Variants in KHDRBS2 observed in about 807,000 individuals in gnomAD.
KHDRBS2 encodes KH RNA binding domain containing, signal transduction associated 2.
Under a neutral mutation model 44.3 loss-of-function variants are expected in KHDRBS2, and 26 were observed. The observed-to-expected ratio is 0.59, with a 90% CI of 0.43 to 0.81. KHDRBS2 has a LOEUF of 0.81. KHDRBS2 is among the 40% of genes least tolerant of loss of function. The pLI, the probability that KHDRBS2 is intolerant of heterozygous loss-of-function variation, is 0.00. For missense variants in KHDRBS2, 476 were observed against 433.1 expected (o/e 1.10, Z -0.88); for synonymous variants, 194 against 151.1 (o/e 1.28, Z -2.08).
chr6:61,595,371 C>T, the KHDRBS2 span, among the ~76,000 whole-genome samples: 5 of 152,088 alleles, frequency 3.3e-5, no homozygotes, highest in African/African-American at 9.7e-5. Flanking sequence ...TATTTAGTCA[C>T]ACAAAATTTA....
chr6:62,156,399 C>A (rs1397083508), intron 2 of KHDRBS2, among the ~76,000 whole-genome samples: 1 of 151,898 alleles, frequency 6.6e-6, no homozygotes, highest in Non-Finnish European at 1.5e-5. Flanking sequence ...TTGGCCAGTT[C>A]GGTAGACTTA....
intron 2 of KHDRBS2, among the ~76,000 whole-genome samples, chr6:62,107,997 G>A (rs1399431476): frequency 3.9e-5 from 6 of 152,114 alleles, no homozygotes; most frequent in African/African-American, 1.2e-4. Context: ...AACCCTAGAA[G>A]AAAACGTAGG....
At chr6:62,148,021 A>C (rs760279629) in intron 2 of KHDRBS2, among the ~76,000 whole-genome samples, 7 of 152,068 alleles carry the variant, frequency 4.6e-5, no homozygotes, top group Non-Finnish European at 8.8e-5. Context: ...TGAAAAAATA[A>C]ATATTATTCA....
Position 62,133,933 on chromosome 6 carries a change from C to T in KHDRBS2, c.219+43252G>A, listed in dbSNP as rs185676757. On this transcript the variant is annotated intron_variant, in intron 2 of 8. Coordinates refer to ENST00000281156, the MANE Select transcript of KHDRBS2 (RefSeq NM_152688.4). ...CAAAGCATTCAAGAGGTGACTTGGG[C>T]GCTGTAAAAAGCATTCAGTTTTAAA... Among the ~76,000 whole-genome samples, 177 of 152,118 alleles carry T rather than the reference C, an allele frequency of 1.2e-3. 1 individual carries two copies. Among genetic ancestry groups the T allele is most frequent in the African/African-American group, 3.9e-3 (162 of 41,496 alleles).
chr6:61,677,211 C>T (rs188730038), downstream of KHDRBS2, among the ~76,000 whole-genome samples: 148 of 151,922 alleles, frequency 9.7e-4, no homozygotes, highest in Non-Finnish European at 1.6e-3. Context: ...TATTGATTAA[C>T]ACATCAAAAG....
At chr6:61,875,643 T>C (rs1191929708) in intron 6 of KHDRBS2, among the ~76,000 whole-genome samples, 2 of 152,146 alleles carry the variant, frequency 1.3e-5, no homozygotes, top group African/African-American at 4.8e-5. Flanking sequence ...ATATCTATCC[T>C]TCTATTGAAT....
At chr6:61,630,422 T>A in the KHDRBS2 span, 1 of 152,178 alleles carries the variant, frequency 6.6e-6, no homozygotes, top group Non-Finnish European at 1.5e-5. Context: ...TGGCTGCATT[T>A]TGGTGAAGGC....
intron 3 of KHDRBS2, among the ~76,000 whole-genome samples, chr6:62,029,484 A>T (rs1477181404): frequency 6.6e-6 from 1 of 151,990 alleles, no homozygotes; most frequent in African/African-American, 2.4e-5. Context: ...AATGTGCAAG[A>T]TATTTATGAA....
chr6:61,587,361 T>TTCTCTC, the KHDRBS2 span, among the ~76,000 whole-genome samples: 4 of 96,024 alleles, frequency 4.2e-5, no homozygotes, highest in Non-Finnish European at 9.3e-5. Context: ...CAGCTTTTTT[T>TTCTCTC]TATCTCTCTC....
intron 6 of KHDRBS2, among the ~76,000 whole-genome samples, chr6:61,742,962 C>A (rs1776356167): frequency 1.3e-5 from 2 of 152,022 alleles, no homozygotes; most frequent in Non-Finnish European, 2.9e-5. Context: ...AATCTAGATT[C>A]TCTGGAAATT....
In KHDRBS2 at chr6:62,021,856, T is replaced by C. The variant is rs563895329; in HGVS notation, c.336+26022A>G. On this transcript the variant is annotated intron_variant, in intron 3 of 8. Transcript: ENST00000281156. ...TAGAGACTAATTAATTGTAAGAAAATTTGATGTCTTTTTTCAAAATTTAAA... is the reference window on the plus strand; with the variant it reads ...TAGAGACTAATTAATTGTAAGAAAACTTGATGTCTTTTTTCAAAATTTAAA... Among the ~76,000 whole-genome samples, 248 of 151,360 alleles carry C rather than the reference T, an allele frequency of 1.6e-3. 1 individual carries two copies. The highest frequency in any genetic ancestry group is 2.5e-3 in the Non-Finnish European group (170 of 67,592).
At chr6:61,822,427 A>G (rs564108197) in intron 6 of KHDRBS2, among the ~76,000 whole-genome samples, 2 of 152,066 alleles carry the variant, frequency 1.3e-5, no homozygotes, top group East Asian at 3.9e-4. Flanking sequence ...CCTCAACTCC[A>G]GTACCTTCAG....
intron 6 of KHDRBS2, among the ~76,000 whole-genome samples, chr6:61,753,745 G>A (rs1197267317): frequency 6.6e-6 from 1 of 152,000 alleles, no homozygotes; most frequent in Non-Finnish European, 1.5e-5. Flanking sequence ...GACTAATAAT[G>A]GCATGAATGG....
chr6:62,132,071 A>T (rs747881964), intron 2 of KHDRBS2, among the ~76,000 whole-genome samples: 1 of 152,156 alleles, frequency 6.6e-6, no homozygotes, highest in Non-Finnish European at 1.5e-5. Flanking sequence ...CTTACACTTT[A>T]ATAGTAATTT....
At chr6:61,691,683 TAGAC>T (rs1239242246) in intron 8 of KHDRBS2, among the ~76,000 whole-genome samples, 19 of 152,210 alleles carry the variant, frequency 1.2e-4, no homozygotes, top group Admixed American at 3.3e-4. Context: ...CTATTAAAAA[TAGAC>T]AGTCTTTGTT....
At chr6:61,750,725 C>T (rs1442420372) in intron 6 of KHDRBS2, among the ~76,000 whole-genome samples, 1 of 150,296 alleles carries the variant, frequency 6.7e-6, no homozygotes, top group Non-Finnish European at 1.5e-5. Context: ...GGAGTAACTG[C>T]CTTTCTTCTT....
At chr6:61,907,055 A>G (rs1205136946) in intron 4 of KHDRBS2, among the ~76,000 whole-genome samples, 1 of 152,108 alleles carries the variant, frequency 6.6e-6, no homozygotes, top group South Asian at 2.1e-4. Context: ...CCTTTCTCCA[A>G]TTCCTTGCCA....
chr6:61,622,756 A>G, the KHDRBS2 span, among the ~76,000 whole-genome samples: 62 of 152,248 alleles, frequency 4.1e-4, no homozygotes, highest in African/African-American at 1.3e-3. Flanking sequence ...ATTGTATTGC[A>G]TGGAAGAGCC....
chr6:62,029,952 A>G (rs1009216584), intron 3 of KHDRBS2, among the ~76,000 whole-genome samples: 2 of 152,032 alleles, frequency 1.3e-5, no homozygotes, highest in African/African-American at 4.8e-5. Context: ...AGATACTATC[A>G]TCTGAAATAA....
Sources: allele counts gnomAD v4.1 joint callset (sites outside exome capture counted in the v4.1 genomes callset), GRCh38; gene constraint gnomAD v4.1.1; transcripts MANE v1.5; gene names NCBI Gene and HGNC (gene_info 2026-07-23, HGNC 2026-07-21).